The following APC variants were observed in gnomAD, a reference collection of about 807,000 sequenced individuals.
The protein encoded by APC is adenomatous polyposis coli protein.
APC carries 72 observed loss-of-function variants against 247.0 expected under a neutral mutation model. That is an observed-to-expected ratio of 0.29 (90% CI 0.24 to 0.35). The LOEUF (loss-of-function observed/expected upper bound fraction) is 0.35, where lower values mean the gene tolerates loss of function less well. Among genes scored for constraint, APC ranks in the 10% least tolerant of loss-of-function variants. APC has a pLI of 1.00. For missense variants in APC, 3,400 were observed against 3,360.7 expected, an observed-to-expected ratio of 1.01 and a Z score of -0.29; for synonymous variants, 1,254 against 1,162.5, an observed-to-expected ratio of 1.08 and a Z score of -1.60.
At position 112,743,054 on chromosome 5, in the gene APC, C is replaced by T. The variant is rs555737938; in HGVS notation, c.-19+5129C>T. Among the ~76,000 whole-genome samples, 4 of 152,304 alleles carry T rather than the reference C, an allele frequency of 2.6e-5. No homozygotes were observed. The East Asian group carries it at 5.8e-4, about 22-fold the overall frequency. On this transcript the variant is annotated intron_variant, in intron 1 of 15. Transcript: ENST00000257430. ...CAAAATCAAGATATCAGTGGCTCTG[C>T]GTCTCCTCTAGAGATTCTATTGAAG...
chr5:112,804,625 G>A (rs1055602339), intron 8 of APC, among the ~76,000 whole-genome samples: 3 of 152,108 alleles, frequency 2.0e-5, no homozygotes, highest in South Asian at 2.1e-4. Flanking sequence ...TGATCCTCCC[G>A]CCTCGGCCTC....
In APC at chr5:112,839,030, C is replaced by T. The variant is rs202168805; in HGVS notation, c.3436C>T (p.Arg1146Cys). The T allele has an allele frequency of 4.3e-5, 69 of 1,613,940 alleles. No homozygotes were observed. Among genetic ancestry groups the T allele is most frequent in the South Asian group, 2.2e-4 (20 of 91,078 alleles). The change falls in exon 16 of 16, where the codon CGT becomes TGT. Residue 1146 changes from arginine (R) to cysteine (C), a missense_variant. Coordinates refer to ENST00000257430, the MANE Select transcript of APC (RefSeq NM_000038.6). The surrounding 1 kb of genome is among the most constrained non-coding windows in gnomAD (Gnocchi z 5.0). Reference protein sequence around the residue: ...EDDKPTNYSERYSEEEQHEEE... With the variant: ...EDDKPTNYSECYSEEEQHEEE... ...TGATAAGCCTACCAATTATAGTGAA[C>T]GTTACTCTGAAGAAGAACAGCATGA... is the stretch of plus-strand genomic sequence containing the variant.
At chr5:112,729,037 G>A (rs999978578) in intron 1 of APC, among the ~76,000 whole-genome samples, 9 of 152,088 alleles carry the variant, frequency 5.9e-5, no homozygotes, top group African/African-American at 2.2e-4. Flanking sequence ...TACCTAGCTG[G>A]AAACGATCTA....
intron 1 of APC, among the ~76,000 whole-genome samples, chr5:112,727,837 C>T (rs186792104): frequency 2.1e-3 from 316 of 150,502 alleles, no homozygotes; most frequent in Admixed American, 3.2e-3. Context: ...CTTTTGGGGG[C>T]GGTCTTATAG....
chr5:112,814,270 A>T (rs1394066815), intron 8 of APC, among the ~76,000 whole-genome samples: 1 of 152,192 alleles, frequency 6.6e-6, no homozygotes, highest in Non-Finnish European at 1.5e-5. Flanking sequence ...CCAGTTATTT[A>T]TCTGCAACCC....
At chr5:112,771,633 A>G (rs1017912052) in intron 4 of APC, among the ~76,000 whole-genome samples, 1 of 151,900 alleles carries the variant, frequency 6.6e-6, no homozygotes, top group Non-Finnish European at 1.5e-5. Flanking sequence ...GTAGATGGCC[A>G]TTTTTCCTCT....
In APC at chr5:112,837,985, T is replaced by C. The variant is rs535294819; in HGVS notation, c.2391T>C (p.Gly797=). Residue 797 remains glycine (G), a synonymous_variant, in exon 16 of 16, where the codon GGT becomes GGC. Coordinates refer to ENST00000257430, the MANE Select transcript of APC (RefSeq NM_000038.6). ...AGAGACACAAGCAAAGTCTCTATGG[T>C]GATTATGTTTTTGACACCAATCGAC... is the stretch of plus-strand genomic sequence containing the variant. ...SKQRHKQSLY[G]DYVFDTNRHD... The C allele has an allele frequency of 2.5e-6, 4 of 1,614,168 alleles. No individual in the cohort carries two copies. Among genetic ancestry groups the C allele is most frequent in the Non-Finnish European group, 3.4e-6 (4 of 1,180,040 alleles).
At position 112,843,694 on chromosome 5, in the gene APC, T is replaced by C. The variant is rs761326128; in HGVS notation, c.8100T>C (p.Asn2700=). 25 of 1,613,900 alleles carry C rather than the reference T, an allele frequency of 1.5e-5. No homozygotes were observed. The highest frequency in any genetic ancestry group is 1.9e-5 in the Non-Finnish European group (23 of 1,179,952). ...CAAACATTAAAGATTCAAAAGATAATCAGGCAAAACAAAATGTGGGTAATG... is the reference window on the plus strand; with the variant it reads ...CAAACATTAAAGATTCAAAAGATAACCAGGCAAAACAAAATGTGGGTAATG... ...ANPNIKDSKD[N]QAKQNVGNGS... is the part of the protein sequence containing the mutation. The change falls in exon 16 of 16, where the codon AAT becomes AAC. Residue 2700 remains asparagine (N), a synonymous_variant. Coordinates refer to ENST00000257430, the MANE Select transcript of APC (RefSeq NM_000038.6). The surrounding 1 kb of genome is among the most constrained non-coding windows in gnomAD (Gnocchi z 4.8).
chr5:112,812,925 C>T (rs1762130706), intron 8 of APC, among the ~76,000 whole-genome samples: 1 of 152,110 alleles, frequency 6.6e-6, no homozygotes, highest in Non-Finnish European at 1.5e-5. Flanking sequence ...TTCCTTGATG[C>T]CTCTTTTCCC....
chr5:112,795,812 G>C lies in APC; in HGVS notation c.729+3283G>C, dbSNP rs147268368. On this transcript the variant is annotated intron_variant, in intron 7 of 15. Coordinates refer to ENST00000257430, the MANE Select transcript of APC (RefSeq NM_000038.6). ...TACTCAAGTGAAATCGAAATGTAAA[G>C]CAAGAAAAATGAATTTTTTCAACTC... is the stretch of plus-strand genomic sequence containing the variant. 2.4e-3 allele frequency among the ~76,000 whole-genome samples: 364 copies of C among 152,244 alleles called. 1 individual carries two copies. Among genetic ancestry groups the C allele is most frequent in the African/African-American group, 8.3e-3 (343 of 41,528 alleles).
intron 1 of APC, among the ~76,000 whole-genome samples, chr5:112,745,195 T>C (rs1032355695): frequency 3.3e-5 from 5 of 152,176 alleles, no homozygotes; most frequent in Non-Finnish European, 5.9e-5. Context: ...TTATGAAAAT[T>C]AGTCAAGGCA....
rs1340630542 is a variant in APC at position 112,707,634 on chromosome 5, T to C, written c.-84T>C. On this transcript the variant is annotated 5_prime_UTR_variant, in exon 1 of 14. Transcript: ENST00000507379. ...CCGGGAGCTGCGGACCGAGGTTGGCTCGATGCTGTTCCCAGGTACTGTTGT... is the reference window on the plus strand; with the variant it reads ...CCGGGAGCTGCGGACCGAGGTTGGCCCGATGCTGTTCCCAGGTACTGTTGT... 7.5e-7 allele frequency: 1 copy of C among 1,340,178 alleles called. No individual in the cohort carries two copies. Among genetic ancestry groups the C allele is most frequent in the African/African-American group, 1.4e-5 (1 of 69,076 alleles). 83.0% of individuals were successfully genotyped at this position (1,340,178 alleles called of 1,614,324 possible). A position where few individuals can be genotyped will look rare whatever the true frequency, so the allele number is the denominator to read the frequency against.
intron 1 of APC, among the ~76,000 whole-genome samples, chr5:112,716,421 A>C (rs1336881040): frequency 1.3e-5 from 2 of 152,166 alleles, no homozygotes; most frequent in East Asian, 3.9e-4. Context: ...GTAAAATTAC[A>C]ATGTAATCCA....
chr5:112,727,393 A>G (rs1172870181), intron 1 of APC, among the ~76,000 whole-genome samples: 1 of 152,164 alleles, frequency 6.6e-6, no homozygotes, highest in Admixed American at 6.5e-5. Flanking sequence ...AAAAGCTTAT[A>G]TTTTCTCTTT....
At chr5:112,804,215 T>C (rs1231443735) in intron 8 of APC, among the ~76,000 whole-genome samples, 1 of 152,258 alleles carries the variant, frequency 6.6e-6, no homozygotes, top group Non-Finnish European at 1.5e-5. Context: ...TGATACGCTG[T>C]ATTCCTGCTC....
In APC at chr5:112,792,495, G is replaced by C. The variant is rs201727026; in HGVS notation, c.695G>C (p.Arg232Pro). 1 of 1,612,484 alleles carries C rather than the reference G, an allele frequency of 6.2e-7. No homozygotes were observed. Among genetic ancestry groups the C allele is most frequent in the Non-Finnish European group, 8.5e-7 (1 of 1,179,124 alleles). The change falls in exon 7 of 16, where the codon CGA becomes CCA. Residue 232 changes from arginine to proline, a missense_variant. Physicochemically the swap from Arg to Pro is moderately radical, Grantham distance 103. Coordinates refer to ENST00000257430, the MANE Select transcript of APC (RefSeq NM_000038.6). ...ATCGAAAAGGACATACTTCGTATAC[G>C]ACAGCTTTTACAGTCCCAAGCAACA... is the stretch of plus-strand genomic sequence containing the variant. ...QQIEKDILRI[R>P]QLLQSQATEA...
chr5:112,727,993 T>C (rs571068776), intron 1 of APC, among the ~76,000 whole-genome samples: 1 of 152,124 alleles, frequency 6.6e-6, no homozygotes, highest in African/African-American at 2.4e-5. Context: ...GAAAGGATAG[T>C]TTAAAATGAG....
rs369817396 is a variant in APC at position 112,751,005 on chromosome 5, C to G, written c.-18-3868C>G. Among the ~76,000 whole-genome samples the G allele has an allele frequency of 3.9e-5, 6 of 152,130 alleles. No individual in the cohort carries two copies. In the East Asian group the frequency reaches 9.7e-4, roughly 24 times the overall value. On this transcript the variant is annotated intron_variant, in intron 1 of 15. Coordinates refer to ENST00000257430, the MANE Select transcript of APC (RefSeq NM_000038.6). ...ATTGAGATGCTACTTTAATCATATA[C>G]TGAATTTATATATATTTACTTCTGG...
At chr5:112,804,210 C>T (rs762108768) in intron 8 of APC, among the ~76,000 whole-genome samples, 12 of 152,142 alleles carry the variant, frequency 7.9e-5, no homozygotes, top group South Asian at 2.1e-4. Context: ...CTCTTTGATA[C>T]GCTGTATTCC....
Sources: allele counts gnomAD v4.1 joint callset (sites outside exome capture counted in the v4.1 genomes callset), GRCh38; gene constraint gnomAD v4.1.1; non-coding constraint Gnocchi (gnomAD v3.1); transcripts MANE v1.5; gene names NCBI Gene and HGNC (gene_info 2026-07-23, HGNC 2026-07-21).